Variants in DTWD2 observed in about 807,000 individuals in gnomAD.
DTWD2 encodes DTW motif tRNA-uridine aminocarboxypropyltransferase 2.
In DTWD2, 39 loss-of-function variants were observed where a neutral mutation model predicts 31.8. The ratio of observed to expected loss-of-function variants is 1.22; its 90% CI spans 0.95 to 1.60. The LOEUF (loss-of-function observed/expected upper bound fraction) is 1.60. Ranked by LOEUF, DTWD2 falls within the 40% of genes most tolerant of loss-of-function variation. The pLI, the probability that DTWD2 is intolerant of heterozygous loss-of-function variation, is 0.00. For synonymous variants in DTWD2, 180 were observed against 142.8 expected, an observed-to-expected ratio of 1.26 and a Z score of -1.86; for missense variants, 515 against 381.5, an observed-to-expected ratio of 1.35 and a Z score of -2.92.
At chr5:118,938,216 A>G (rs561008856) in intron 3 of DTWD2, among the ~76,000 whole-genome samples, 14 of 151,584 alleles carry the variant, frequency 9.2e-5, no homozygotes, top group African/African-American at 3.1e-4. Flanking sequence ...TGCGGCAAGG[A>G]AAAAAAAAGG....
intron 4 of DTWD2, among the ~76,000 whole-genome samples, chr5:118,866,593 T>C (rs1172818305): frequency 6.6e-6 from 1 of 152,200 alleles, no homozygotes; most frequent in Non-Finnish European, 1.5e-5. Flanking sequence ...AAGAATTTTA[T>C]GTTTTAAAAA....
chr5:118,871,769 T>C (rs765761820), intron 4 of DTWD2, among the ~76,000 whole-genome samples: 40 of 152,330 alleles, frequency 2.6e-4, no homozygotes, highest in Admixed American at 1.3e-3. Context: ...TTTTTCAGAA[T>C]GGTAAATGAC....
At chr5:118,962,548 G>T (rs1754731011) in intron 1 of DTWD2, among the ~76,000 whole-genome samples, 1 of 152,054 alleles carries the variant, frequency 6.6e-6, no homozygotes, top group Admixed American at 6.6e-5. Flanking sequence ...CCTAAAAGAA[G>T]CTGGATATTA....
intron 4 of DTWD2, among the ~76,000 whole-genome samples, chr5:118,851,917 G>A (rs1360681973): frequency 1.3e-5 from 2 of 152,052 alleles, no homozygotes; most frequent in African/African-American, 2.4e-5. Flanking sequence ...CAGGGCTGGG[G>A]TTTTCCCAAT....
At position 118,840,710 on chromosome 5, in the gene DTWD2, A is replaced by G; in HGVS notation, c.*207T>C. ...GAGGCACATTTTTAAAAACAAGTAC[A>G]GTAGGAAATCCTGCTTTTCAGTGAG... On this transcript the variant is annotated 3_prime_UTR_variant, in exon 6 of 6. Coordinates refer to ENST00000510708, the MANE Select transcript of DTWD2 (RefSeq NM_173666.4). 2 of 448,862 alleles carry G rather than the reference A, an allele frequency of 4.5e-6. No individual in the cohort carries two copies. Among genetic ancestry groups the G allele is most frequent in the Non-Finnish European group, 7.3e-6 (2 of 275,800 alleles). 27.8% of individuals were successfully genotyped at this position (448,862 alleles called of 1,614,324 possible).
chr5:118,915,675 A>T (rs538657625), intron 4 of DTWD2, among the ~76,000 whole-genome samples: 8 of 152,166 alleles, frequency 5.3e-5, no homozygotes, highest in African/African-American at 1.9e-4. Context: ...CGCCCGGCCT[A>T]ATCTTTGAAA....
At chr5:118,935,096 G>A (rs1265904687) in intron 3 of DTWD2, among the ~76,000 whole-genome samples, 3 of 152,040 alleles carry the variant, frequency 2.0e-5, no homozygotes, top group African/African-American at 7.2e-5. Flanking sequence ...AATCAATCAT[G>A]CCTGAATGAT....
intron 2 of DTWD2, among the ~76,000 whole-genome samples, chr5:118,940,948 T>C (rs1455239141): frequency 6.6e-6 from 1 of 152,208 alleles, no homozygotes. Flanking sequence ...ATAAGATTAT[T>C]TTCTTGTAAA....
At chr5:118,959,203 T>G (rs900408368) in intron 1 of DTWD2, among the ~76,000 whole-genome samples, 1 of 152,106 alleles carries the variant, frequency 6.6e-6, no homozygotes, top group Non-Finnish European at 1.5e-5. Context: ...GAAAACCCCA[T>G]AGTCTGCCCA....
rs187750346 is a variant in DTWD2 at position 118,932,521 on chromosome 5, C to T, written c.405-3792G>A. On this transcript the variant is annotated intron_variant, in intron 3 of 5. Coordinates refer to ENST00000510708, the MANE Select transcript of DTWD2 (RefSeq NM_173666.4). ...CTCCCCAAAATTCATATGTTGAAGT[C>T]CTAACCCCTAGTAGCTCAGAATATG... Among the ~76,000 whole-genome samples, 485 of 152,196 alleles carry T rather than the reference C, an allele frequency of 3.2e-3. 2 individuals are homozygous for T. The highest frequency in any genetic ancestry group is 5.6e-3 in the Admixed American group (86 of 15,284).
chr5:118,871,363 C>T (rs923876956), intron 4 of DTWD2, among the ~76,000 whole-genome samples: 1 of 152,192 alleles, frequency 6.6e-6, no homozygotes, highest in Non-Finnish European at 1.5e-5. Flanking sequence ...TTAATGACAT[C>T]GAGAATGGTG....
At chr5:118,985,616 A>G (rs186505477) in intron 1 of DTWD2, among the ~76,000 whole-genome samples, 1 of 151,278 alleles carries the variant, frequency 6.6e-6, no homozygotes, top group African/African-American at 2.4e-5. Context: ...TACTTGGTGA[A>G]CATGCATCCT....
At chr5:118,850,477 C>CA (rs34808087) in intron 4 of DTWD2, among the ~76,000 whole-genome samples, 4,125 of 30,596 alleles carry the variant, frequency 0.13, 703 homozygotes, top group Middle Eastern at 0.38. Flanking sequence ...GACCCCACCA[C>CA]AAAAAAAAAA....
chr5:118,983,489 T>G (rs968751235), intron 1 of DTWD2, among the ~76,000 whole-genome samples: 3 of 151,916 alleles, frequency 2.0e-5, no homozygotes, highest in African/African-American at 2.4e-5. Flanking sequence ...CACTCTTCCC[T>G]TCTCTCTCTC....
At chr5:118,887,696 G>A (rs959567813) in intron 4 of DTWD2, among the ~76,000 whole-genome samples, 6 of 152,050 alleles carry the variant, frequency 3.9e-5, no homozygotes, top group African/African-American at 9.7e-5. Context: ...ATGGCTCACC[G>A]CAGCCTCAAA....
At chr5:118,868,510 A>G (rs766630951) in intron 4 of DTWD2, among the ~76,000 whole-genome samples, 20 of 152,222 alleles carry the variant, frequency 1.3e-4, no homozygotes, top group Non-Finnish European at 2.2e-4. Context: ...CAAATCATAC[A>G]TCTAATAAGA....
At chr5:118,983,223 C>G (rs1430228714) in intron 1 of DTWD2, among the ~76,000 whole-genome samples, 1 of 152,138 alleles carries the variant, frequency 6.6e-6, no homozygotes, top group Non-Finnish European at 1.5e-5. Context: ...CTGGGAGCTA[C>G]AGTGACCTGG....
intron 4 of DTWD2, among the ~76,000 whole-genome samples, chr5:118,925,960 T>C (rs1482218541): frequency 6.6e-6 from 1 of 152,072 alleles, no homozygotes; most frequent in Non-Finnish European, 1.5e-5. Context: ...CAAAGTGTGA[T>C]GCCTCATGCC....
chr5:118,904,867 T>C (rs1322848265), intron 4 of DTWD2, among the ~76,000 whole-genome samples: 3 of 151,892 alleles, frequency 2.0e-5, no homozygotes, highest in African/African-American at 4.8e-5. Flanking sequence ...TTTGTGAGAG[T>C]GACACTGGGT....
Sources: allele counts gnomAD v4.1 joint callset (sites outside exome capture counted in the v4.1 genomes callset), GRCh38; gene constraint gnomAD v4.1.1; transcripts MANE v1.5; gene names NCBI Gene and HGNC (gene_info 2026-07-23, HGNC 2026-07-21).